KIAA1328: variants seen among roughly 807,000 people sequenced by gnomAD.
KIAA1328 encodes the protein protein hinderin.
A neutral mutation model predicts 68.1 loss-of-function variants in KIAA1328; 52 were observed. The observed-to-expected ratio is 0.76, with a 90% CI of 0.61 to 0.96. The LOEUF (loss-of-function observed/expected upper bound fraction) is 0.96, where lower values mean the gene tolerates loss of function less well. KIAA1328 is among the 40% of genes least tolerant of loss of function. KIAA1328 has a pLI of 0.00. For missense variants in KIAA1328, 641 were observed against 677.6 expected (o/e 0.95, Z 0.60); for synonymous variants, 232 against 239.4 (o/e 0.97, Z 0.28).
chr18:37,076,934 A>G (rs529880246), intron 7 of KIAA1328, among the ~76,000 whole-genome samples: 124 of 152,318 alleles, frequency 8.1e-4, no homozygotes, highest in Non-Finnish European at 1.5e-3. Flanking sequence ...ATTCCTTCTG[A>G]AACTATTCCA....
At chr18:36,991,355 CTTCT>C (rs1305113096) in intron 6 of KIAA1328, among the ~76,000 whole-genome samples, 8 of 152,034 alleles carry the variant, frequency 5.3e-5, no homozygotes, top group Non-Finnish European at 1.0e-4. Context: ...CAAAATTTTT[CTTCT>C]TTATTAATCT....
At position 36,963,316 on chromosome 18, in the gene KIAA1328, A is replaced by G. The variant is rs1184502162; in HGVS notation, c.576+3881A>G. 3.3e-5 allele frequency among the ~76,000 whole-genome samples: 5 copies of G among 152,282 alleles called. No individual in the cohort carries two copies. In the South Asian group the frequency reaches 8.3e-4, roughly 25 times the overall value. ...TTCAGACCTTTGGTTTTGCGTTTCTATTTACTGCTCCTGCATGACATAGAT... is the reference window on the plus strand; with the variant it reads ...TTCAGACCTTTGGTTTTGCGTTTCTGTTTACTGCTCCTGCATGACATAGAT... On this transcript the variant is annotated intron_variant, in intron 6 of 9. Coordinates refer to ENST00000280020, the MANE Select transcript of KIAA1328 (RefSeq NM_020776.3).
intron 9 of KIAA1328, among the ~76,000 whole-genome samples, chr18:37,183,592 T>A (rs975187894): frequency 6.6e-6 from 1 of 152,160 alleles, no homozygotes; most frequent in Non-Finnish European, 1.5e-5. Context: ...CAATTTTTAT[T>A]AGTCATCATT....
chr18:37,074,983 G>T (rs1268931685), intron 7 of KIAA1328: 2 of 151,782 alleles, frequency 1.3e-5, no homozygotes, highest in Non-Finnish European at 2.9e-5. Context: ...TACAGAGAAC[G>T]CCACAAAGAT....
At chr18:36,961,855 A>G (rs1483913245) in intron 6 of KIAA1328, among the ~76,000 whole-genome samples, 1 of 152,232 alleles carries the variant, frequency 6.6e-6, no homozygotes, top group African/African-American at 2.4e-5. Flanking sequence ...CAGCCACTAT[A>G]AAAACATGCC....
At chr18:37,167,516 T>C (rs1411584596) in intron 8 of KIAA1328, among the ~76,000 whole-genome samples, 1 of 152,050 alleles carries the variant, frequency 6.6e-6, no homozygotes, top group African/African-American at 2.4e-5. Flanking sequence ...GTGGCTGGAC[T>C]CTCTTCCAAC....
chr18:37,101,843 C>A (rs1038067926), intron 7 of KIAA1328, among the ~76,000 whole-genome samples: 4 of 152,126 alleles, frequency 2.6e-5, no homozygotes, highest in South Asian at 2.1e-4. Flanking sequence ...ACAAGCCAGA[C>A]GAGAGTGGGG....
chr18:37,014,915 A>AT (rs1246886267), intron 6 of KIAA1328, among the ~76,000 whole-genome samples: 1 of 151,714 alleles, frequency 6.6e-6, no homozygotes, highest in Admixed American at 6.6e-5. Context: ...ATTTTATTTT[A>AT]TTTTTTTAGA....
chr18:37,064,070 A>G (rs1321111294), intron 6 of KIAA1328, among the ~76,000 whole-genome samples: 3 of 152,170 alleles, frequency 2.0e-5, no homozygotes, highest in Admixed American at 6.5e-5. Flanking sequence ...ATTAATGTAG[A>G]CTAGAGATTC....
At chr18:36,914,129 G>A (rs981995) in intron 5 of KIAA1328, among the ~76,000 whole-genome samples, 140,129 of 152,186 alleles carry the variant, frequency 0.92, 65,618 homozygotes, top group East Asian at 1. Context: ...CGATTTGTGT[G>A]GCCACTTTAG....
At chr18:37,073,532 G>A (rs547141783) in intron 7 of KIAA1328, among the ~76,000 whole-genome samples, 2 of 152,258 alleles carry the variant, frequency 1.3e-5, no homozygotes, top group Non-Finnish European at 2.9e-5. Flanking sequence ...AGGCTTTTTT[G>A]TGTATATTTA....
At chr18:36,965,430 G>A (rs1394170007) in intron 6 of KIAA1328, among the ~76,000 whole-genome samples, 2 of 150,610 alleles carry the variant, frequency 1.3e-5, no homozygotes, top group Admixed American at 6.6e-5. Flanking sequence ...ATTAAAAGGC[G>A]ATCAGGAGTT....
chr18:36,841,102 A>G (rs1054744266), intron 3 of KIAA1328, among the ~76,000 whole-genome samples: 2 of 151,936 alleles, frequency 1.3e-5, no homozygotes, highest in Admixed American at 1.3e-4. Context: ...TGAGGATGCC[A>G]TTTGGATCAG....
At chr18:37,022,787 C>G (rs1193543206) in intron 6 of KIAA1328, among the ~76,000 whole-genome samples, 3 of 152,046 alleles carry the variant, frequency 2.0e-5, no homozygotes, top group Non-Finnish European at 4.4e-5. Context: ...GTTTTGCTCT[C>G]ATTAAATTGT....
chr18:36,934,979 G>A (rs1018986029), intron 5 of KIAA1328, among the ~76,000 whole-genome samples: 9 of 152,198 alleles, frequency 5.9e-5, no homozygotes, highest in African/African-American at 1.9e-4. Flanking sequence ...CTTAGACACT[G>A]TTGTCTTTCC....
chr18:37,016,102 T>G (rs1451098686), intron 6 of KIAA1328, among the ~76,000 whole-genome samples: 2 of 152,208 alleles, frequency 1.3e-5, no homozygotes, highest in Admixed American at 1.3e-4. Flanking sequence ...GCTTCCGGTT[T>G]TTGCCTGTTT....
chr18:37,224,720 A>T lies in KIAA1328; in HGVS notation c.*2493A>T. ...GCCTTTCCTCCGTCTCAAGTCTCCC[A>T]CCCTTGACTGGTTGGGATTTGCTCG... On this transcript the variant is annotated 3_prime_UTR_variant, in exon 10 of 10. Coordinates refer to ENST00000280020, the MANE Select transcript of KIAA1328 (RefSeq NM_020776.3). 1.0e-6 allele frequency: 1 copy of T among 985,334 alleles called. No individual in the cohort carries two copies. The highest frequency in any genetic ancestry group is 1.7e-5 in the African/African-American group (1 of 57,332). 61.0% of individuals were successfully genotyped at this position (985,334 alleles called of 1,614,324 possible). A position where few individuals can be genotyped will look rare whatever the true frequency, so the allele number is the denominator to read the frequency against.
chr18:37,152,076 T>G (rs2059043675), intron 7 of KIAA1328, among the ~76,000 whole-genome samples: 2 of 147,856 alleles, frequency 1.4e-5, no homozygotes, highest in South Asian at 4.3e-4. Context: ...TCATAGGTTC[T>G]TAGTTGGAAT....
intron 5 of KIAA1328, among the ~76,000 whole-genome samples, chr18:36,920,350 A>G (rs917526086): frequency 6.6e-6 from 1 of 152,160 alleles, no homozygotes; most frequent in African/African-American, 2.4e-5. Flanking sequence ...GTGGAAGATT[A>G]GAGGTTGTAA....
Sources: gnomAD v4.1 joint callset for allele counts (sites outside exome capture counted in the v4.1 genomes callset) on GRCh38, gnomAD v4.1.1 for gene constraint, MANE v1.5 for transcripts, NCBI Gene and HGNC (gene_info 2026-07-23, HGNC 2026-07-21) for gene names.